Variants in AMPD3 observed in about 807,000 individuals in gnomAD.
AMPD3 encodes the protein AMP deaminase 3.
In AMPD3, 57 loss-of-function variants were observed where a neutral mutation model predicts 82.3. The ratio of observed to expected loss-of-function variants is 0.69; its 90% CI spans 0.56 to 0.86. The LOEUF is 0.86. Ranked by LOEUF, AMPD3 falls within the 40% of genes least tolerant of loss-of-function variation. The pLI is 0.00. For missense variants in AMPD3, 870 were observed against 1,003.8 expected (o/e 0.87, Z 1.80); for synonymous variants, 381 against 394.7 (o/e 0.97, Z 0.41).
intron 5 of AMPD3, chr11:10,486,684 G>C (rs1441273860): frequency 2.0e-6 from 2 of 985,352 alleles, no homozygotes; most frequent in African/African-American, 1.7e-5. Context: ...AGGTCAGGGG[G>C]CTGGTTCCTC....
At chr11:10,463,837 C>T (rs148122736) in intron 2 of AMPD3, among the ~76,000 whole-genome samples, 2 of 152,332 alleles carry the variant, frequency 1.3e-5, no homozygotes, top group South Asian at 2.1e-4. Context: ...CATCTGTCTG[C>T]GCCATTTGAC....
intron 2 of AMPD3, among the ~76,000 whole-genome samples, chr11:10,467,374 C>T (rs543261276): frequency 6.6e-6 from 1 of 152,016 alleles, no homozygotes; most frequent in East Asian, 1.9e-4. Flanking sequence ...GAAGCATTCA[C>T]AAGTATGAAT....
At chr11:10,463,287 C>T (rs1282422112) in intron 2 of AMPD3, among the ~76,000 whole-genome samples, 1 of 152,224 alleles carries the variant, frequency 6.6e-6, no homozygotes, top group Non-Finnish European at 1.5e-5. Flanking sequence ...AACAGAGCTT[C>T]ACCACTCATA....
intron 2 of AMPD3, among the ~76,000 whole-genome samples, chr11:10,466,349 G>A (rs904851493): frequency 2.0e-4 from 31 of 152,078 alleles, no homozygotes; most frequent in Non-Finnish European, 7.4e-5. Context: ...CTCAAGCTTC[G>A]TAGGGGGAGG....
chr11:10,478,872 G>A, intron 3 of AMPD3, 142 bp downstream of exon 3: 2 of 965,882 alleles, frequency 2.1e-6, no homozygotes, highest in South Asian at 1.4e-5. Flanking sequence ...CAGGAGACAA[G>A]GAGGGCCCTA....
At chr11:10,484,483 A>G (rs946030135) in intron 4 of AMPD3, 5 of 985,168 alleles carry the variant, frequency 5.1e-6, no homozygotes, top group African/African-American at 1.7e-5. Context: ...AATGAAGCCC[A>G]TTTCAGTTAA....
At chr11:10,460,597 C>T (rs532636889) in intron 1 of AMPD3, among the ~76,000 whole-genome samples, 5 of 150,786 alleles carry the variant, frequency 3.3e-5, no homozygotes, top group Admixed American at 6.6e-5. Flanking sequence ...TTAGTAGAGA[C>T]GTGGTTTTGC....
intron 6 of AMPD3, 29 bp from the exon 7 acceptor site, chr11:10,493,320 C>T: frequency 6.2e-7 from 1 of 1,613,608 alleles, no homozygotes; most frequent in African/African-American, 1.3e-5. Context: ...GGTGGCCTGA[C>T]TCAGGGCCTG....
intron 7 of AMPD3, 169 bp from the exon 8 acceptor site, chr11:10,494,730 G>T (rs1265102989): frequency 1.0e-6 from 1 of 984,814 alleles, no homozygotes. Flanking sequence ...GACCGAGTGA[G>T]GATCCATGGT....
chr11:10,450,480 G>T (rs1847932636), upstream of AMPD3: 3 of 985,574 alleles, frequency 3.0e-6, no homozygotes, highest in Non-Finnish European at 3.6e-6. Flanking sequence ...AGAGTCTCGC[G>T]CTGGGAAAAG....
intron 2 of AMPD3, among the ~76,000 whole-genome samples, chr11:10,471,191 T>C (rs1848578936): frequency 6.6e-6 from 1 of 152,170 alleles, no homozygotes; most frequent in Non-Finnish European, 1.5e-5. Flanking sequence ...TTGACAAACC[T>C]GGCACAAACA....
At chr11:10,501,168 T>C (rs543667056) in intron 11 of AMPD3, 939 of 985,370 alleles carry the variant, frequency 9.5e-4, no homozygotes, top group Non-Finnish European at 1.1e-3. Flanking sequence ...GCTCTGGAGT[T>C]CTACGAATGC....
Position 10,494,040 on chromosome 11 carries a change from A to G in AMPD3, c.1134+497A>G, listed in dbSNP as rs981313134. On this transcript the variant is annotated intron_variant, in intron 7 of 14. Transcript: ENST00000396553. ...AACAGATACTCACATACCAATGTTCATAGCAGTATTATTCATAGCAGCCAA... is the reference window on the plus strand; with the variant it reads ...AACAGATACTCACATACCAATGTTCGTAGCAGTATTATTCATAGCAGCCAA... 2.6e-5 allele frequency among the ~76,000 whole-genome samples: 4 copies of G among 152,372 alleles called. No individual in the cohort carries two copies. The South Asian group carries it at 6.2e-4, about 24-fold the overall frequency.
At position 10,456,390 on chromosome 11, in the gene AMPD3, G is replaced by C. The variant is rs764363206; in HGVS notation, c.-6+942G>C. 2.5e-6 allele frequency: 4 copies of C among 1,613,820 alleles called. No homozygotes were observed. The South Asian group carries it at 4.4e-5, about 18-fold the overall frequency. On this transcript the variant is annotated intron_variant, in intron 1 of 14. Coordinates refer to ENST00000396553, the MANE Select transcript of AMPD3 (RefSeq NM_001025389.2). The surrounding 1 kb of genome is among the most constrained non-coding windows in gnomAD (Gnocchi z 4.3). ...AGTGGCATCTTCAGGACCAGTCATGGAGCCAGGCTCAGGTCTGTGTCGGGG... is the reference window on the plus strand; with the variant it reads ...AGTGGCATCTTCAGGACCAGTCATGCAGCCAGGCTCAGGTCTGTGTCGGGG...
chr11:10,503,538 T>C (rs913926138), intron 13 of AMPD3, among the ~76,000 whole-genome samples: 16 of 152,118 alleles, frequency 1.1e-4, no homozygotes, highest in African/African-American at 3.6e-4. Flanking sequence ...CTCTTAAGAA[T>C]TGAAGCTTTC....
At chr11:10,499,308 G>C (rs982431407) in intron 10 of AMPD3, 1 of 152,300 alleles carries the variant, frequency 6.6e-6, no homozygotes, top group East Asian at 1.9e-4. Context: ...CCACCTCCGG[G>C]GTTCAAGTGA....
At chr11:10,499,525 T>C (rs1270972517) in intron 10 of AMPD3, among the ~76,000 whole-genome samples, 1 of 152,210 alleles carries the variant, frequency 6.6e-6, no homozygotes, top group Non-Finnish European at 1.5e-5. Flanking sequence ...CAAACCTGGT[T>C]TCTTGAGCAA....
At chr11:10,490,787 C>G (rs1849218490) in intron 6 of AMPD3, among the ~76,000 whole-genome samples, 1 of 152,172 alleles carries the variant, frequency 6.6e-6, no homozygotes, top group African/African-American at 2.4e-5. Flanking sequence ...GGTCATTGTA[C>G]CAAGCTGTGT....
In AMPD3 at chr11:10,495,484, C is replaced by G; in HGVS notation, c.1267-86C>G. ...CCTGGGAGCAAGGTGGCTGGGGGAGCAACAGGACCCTGCTGGTGACGGAGA... is the reference window on the plus strand; with the variant it reads ...CCTGGGAGCAAGGTGGCTGGGGGAGGAACAGGACCCTGCTGGTGACGGAGA... On this transcript the variant is annotated intron_variant, in intron 8 of 14. Transcript: ENST00000396553. 2.5e-6 allele frequency: 4 copies of G among 1,606,706 alleles called. No homozygotes were observed. In the South Asian group the frequency reaches 4.4e-5, roughly 18 times the overall value.
Sources: allele counts gnomAD v4.1 joint callset (sites outside exome capture counted in the v4.1 genomes callset), GRCh38; gene constraint gnomAD v4.1.1; non-coding constraint Gnocchi (gnomAD v3.1); transcripts MANE v1.5; gene names NCBI Gene and HGNC (gene_info 2026-07-23, HGNC 2026-07-21).